Variants in TRUB1 observed in about 807,000 individuals in gnomAD.
TRUB1 encodes TruB pseudouridine synthase family member 1.
A neutral mutation model predicts 33.9 loss-of-function variants in TRUB1; 23 were observed. That is an observed-to-expected ratio of 0.68 (90% CI 0.49 to 0.96). The LOEUF is 0.96. Ranked by LOEUF, TRUB1 falls within the 40% of genes least tolerant of loss-of-function variation. The pLI is 0.00. For missense variants in TRUB1, 378 were observed against 422.2 expected (o/e 0.90, Z 0.92); for synonymous variants, 163 against 165.4 (o/e 0.99, Z 0.11).
intron 3 of TRUB1, among the ~76,000 whole-genome samples, chr10:114,956,193 T>C (rs1218998553): frequency 6.6e-6 from 1 of 152,194 alleles, no homozygotes; most frequent in African/African-American, 2.4e-5. Context: ...TGAGAAACTG[T>C]GAGTCCCAGA....
chr10:114,968,276 A>G (rs1166427959), intron 4 of TRUB1, among the ~76,000 whole-genome samples: 1 of 152,238 alleles, frequency 6.6e-6, no homozygotes, highest in East Asian at 1.9e-4. Context: ...GTGTGTGATG[A>G]TATCAGCAAA....
At chr10:114,966,253 C>A (rs1057486405) in intron 4 of TRUB1, among the ~76,000 whole-genome samples, 1 of 152,090 alleles carries the variant, frequency 6.6e-6, no homozygotes, top group Non-Finnish European at 1.5e-5. Context: ...AAAAGACTAT[C>A]CTTTCTGTGG....
intron 2 of TRUB1, among the ~76,000 whole-genome samples, chr10:114,948,479 A>G (rs576554116): frequency 1.2e-4 from 19 of 152,222 alleles, no homozygotes; most frequent in Non-Finnish European, 2.2e-4. Context: ...TACCTACACA[A>G]TAAGTACTGG....
intron 4 of TRUB1, among the ~76,000 whole-genome samples, chr10:114,965,431 G>T (rs1257616083): frequency 1.3e-5 from 2 of 152,000 alleles, no homozygotes; most frequent in Non-Finnish European, 2.9e-5. Flanking sequence ...GTTGTAATGT[G>T]TTATCCTTTA....
chr10:114,951,117 A>G lies in TRUB1; in HGVS notation c.409A>G (p.Lys137Glu), dbSNP rs1165977282. Residue 137 changes from lysine (K) to glutamate (E), a missense_variant, in exon 3 of 8, where the codon AAA (lysine) becomes GAA (glutamate). By Grantham distance (56) the Lys-to-Glu change is moderately conservative. Coordinates refer to ENST00000298746, the MANE Select transcript of TRUB1 (RefSeq NM_139169.5). ...VLVVGIGSGT[K>E]MLTSMLSGSK... Reference sequence around the variant, plus strand: ...AGTTGTTGGAATTGGAAGCGGAACAAAAATGTTGACCAGTATGTTGTCAGG... The same window carrying G: ...AGTTGTTGGAATTGGAAGCGGAACAGAAATGTTGACCAGTATGTTGTCAGG... The G allele has an allele frequency of 6.2e-7, 1 of 1,612,710 alleles. No homozygotes were observed. Among genetic ancestry groups the G allele is most frequent in the African/African-American group, 1.3e-5 (1 of 74,892 alleles).
chr10:114,947,498 A>G (rs1435702120), intron 2 of TRUB1, among the ~76,000 whole-genome samples: 1 of 152,240 alleles, frequency 6.6e-6, no homozygotes, highest in Non-Finnish European at 1.5e-5. Context: ...TAGAAAATAC[A>G]AGAAAGTTGC....
Position 114,938,357 on chromosome 10 carries a change from C to T in TRUB1, c.104C>T (p.Pro35Leu), listed in dbSNP as rs757044719. The T allele has an allele frequency of 6.2e-7, 1 of 1,610,872 alleles. No homozygotes were observed. Among genetic ancestry groups the T allele is most frequent in the South Asian group, 1.1e-5 (1 of 90,904 alleles). The change falls in exon 1 of 8, where the codon CCG (proline) becomes CTG (leucine). Residue 35 changes from proline (P) to leucine (L), a missense_variant. Coordinates refer to ENST00000298746, the MANE Select transcript of TRUB1 (RefSeq NM_139169.5). ...AGTVAAMAAT[P>L]SARAAAAVVA... ...ACGGTCGCAGCAATGGCTGCGACCC[C>T]GTCAGCAAGGGCTGCAGCCGCGGTG... is the stretch of plus-strand genomic sequence containing the variant.
intron 4 of TRUB1, among the ~76,000 whole-genome samples, chr10:114,961,228 A>T (rs1245538266): frequency 6.6e-6 from 1 of 152,076 alleles, no homozygotes; most frequent in Non-Finnish European, 1.5e-5. Flanking sequence ...TGAGGCTCTT[A>T]TAGTAGTCCA....
At chr10:114,951,613 G>A (rs2084235567) in intron 3 of TRUB1, among the ~76,000 whole-genome samples, 1 of 152,184 alleles carries the variant, frequency 6.6e-6, no homozygotes. Flanking sequence ...TCATATATGA[G>A]AGTAACCTTG....
At position 114,975,511 on chromosome 10, in the gene TRUB1, T is replaced by A; in HGVS notation, c.*132T>A. On this transcript the variant is annotated 3_prime_UTR_variant, in exon 8 of 8. Coordinates refer to ENST00000298746, the MANE Select transcript of TRUB1 (RefSeq NM_139169.5). ...TTGCATGAAGAAAAATGTCTATCAT[T>A]TACAGTTTCAATAGCACATAATTTA... 1 of 917,218 alleles carries A rather than the reference T, an allele frequency of 1.1e-6. No individual in the cohort carries two copies. The highest frequency in any genetic ancestry group is 1.6e-6 in the Non-Finnish European group (1 of 634,906). 56.8% of individuals were successfully genotyped at this position (917,218 alleles called of 1,614,324 possible). A position where few individuals can be genotyped will look rare whatever the true frequency, so the allele number is the denominator to read the frequency against.
chr10:114,963,207 A>G (rs2143022717), intron 4 of TRUB1, among the ~76,000 whole-genome samples: 1 of 152,200 alleles, frequency 6.6e-6, no homozygotes, highest in Admixed American at 6.5e-5. Context: ...AAACACCACC[A>G]CCCCTTAGTC....
At chr10:114,951,038 T>A in intron 2 of TRUB1, 56 bp from the exon 3 acceptor site, 2 of 1,489,210 alleles carry the variant, frequency 1.3e-6, no homozygotes, top group Non-Finnish European at 1.9e-6. Context: ...TATAGCTATT[T>A]TAAAAACCTA....
rs2084355689 is a variant in TRUB1 at position 114,975,336 on chromosome 10, T to C, written c.1007T>C (p.Leu336Pro). The change falls in exon 8 of 8, where the codon CTA (leucine) becomes CCA (proline). Residue 336 changes from leucine to proline, a missense_variant. Leu to Pro is a moderately conservative substitution (Grantham distance 98, BLOSUM62 -3). Coordinates refer to ENST00000298746, the MANE Select transcript of TRUB1 (RefSeq NM_139169.5). ...EQVLSCEYIT[L>P]NEPKREDDVI... ...GTTTTGAGCTGTGAATATATAACTC[T>C]AAATGAGCCAAAGAGAGAAGATGAT... The C allele has an allele frequency of 6.2e-7, 1 of 1,605,388 alleles. No individual in the cohort carries two copies. The highest frequency in any genetic ancestry group is 1.3e-5 in the African/African-American group (1 of 74,556).
At chr10:114,956,694 C>T (rs2084263034) in intron 3 of TRUB1, among the ~76,000 whole-genome samples, 1 of 152,076 alleles carries the variant, frequency 6.6e-6, no homozygotes. Context: ...AACTTGCAAT[C>T]CCACAAATAC....
rs1289211393 is a variant in TRUB1, at chr10:114,977,336, GATA to G, written c.*1960_*1962del. On this transcript the variant is annotated 3_prime_UTR_variant, in exon 8 of 8. Transcript: ENST00000298746. ...ATATTATCTATATGTATGTAGTTGTGATAATGATTATTTTAATTATATTACTTT... is the reference window on the plus strand; with the variant it reads ...ATATTATCTATATGTATGTAGTTGTGATGATTATTTTAATTATATTACTTT... 1 of 151,804 alleles carries G rather than the reference GATA, an allele frequency of 6.6e-6. No homozygotes were observed. Among genetic ancestry groups the G allele is most frequent in the Non-Finnish European group, 1.5e-5 (1 of 67,918 alleles). The allele number at this position is 151,804 out of a possible 1,614,324, so 9.4% of individuals were successfully genotyped here.
intron 1 of TRUB1, among the ~76,000 whole-genome samples, chr10:114,940,014 C>T (rs890083305): frequency 3.3e-5 from 5 of 152,046 alleles, no homozygotes; most frequent in African/African-American, 4.8e-5. Flanking sequence ...TCATTATCCT[C>T]GATTTCTATA....
intron 2 of TRUB1, among the ~76,000 whole-genome samples, chr10:114,945,279 T>G (rs1470890337): frequency 1.3e-5 from 2 of 152,216 alleles, no homozygotes; most frequent in African/African-American, 4.8e-5. Flanking sequence ...TCATGCCCTG[T>G]GCTCTTGGCA....
chr10:114,956,666 T>G (rs2084262912), intron 3 of TRUB1, among the ~76,000 whole-genome samples: 1 of 152,174 alleles, frequency 6.6e-6, no homozygotes, highest in South Asian at 2.1e-4. Context: ...GAAACTATTT[T>G]CATAGTTTTG....
At chr10:114,950,592 C>G (rs1220783358) in intron 2 of TRUB1, among the ~76,000 whole-genome samples, 1 of 152,088 alleles carries the variant, frequency 6.6e-6, no homozygotes, top group Non-Finnish European at 1.5e-5. Context: ...ACCTTGTATT[C>G]TTTGTGTTAG....
Sources: gnomAD v4.1 joint callset for allele counts (sites outside exome capture counted in the v4.1 genomes callset) on GRCh38, gnomAD v4.1.1 for gene constraint, MANE v1.5 for transcripts, NCBI Gene and HGNC (gene_info 2026-07-23, HGNC 2026-07-21) for gene names.